MDGA2: variants seen among roughly 807,000 people sequenced by gnomAD.
The protein encoded by MDGA2 is MAM domain containing glycosylphosphatidylinositol anchor 2.
In MDGA2, 40 loss-of-function variants were observed where a neutral mutation model predicts 117.8. The ratio of observed to expected loss-of-function variants is 0.34; its 90% CI spans 0.26 to 0.44. The LOEUF is 0.44. MDGA2 is among the 20% of genes least tolerant of loss of function. MDGA2 has a pLI of 1.00. For synonymous variants in MDGA2, 452 were observed against 439.0 expected, an observed-to-expected ratio of 1.03 and a Z score of -0.37; for missense variants, 1,123 against 1,250.6, an observed-to-expected ratio of 0.90 and a Z score of 1.54.
intron 1 of MDGA2, among the ~76,000 whole-genome samples, chr14:47,516,777 G>T (rs959149106): frequency 6.6e-6 from 1 of 152,136 alleles, no homozygotes; most frequent in Non-Finnish European, 1.5e-5. Flanking sequence ...TGTACATCAA[G>T]TTAGAAAAAT....
At chr14:46,853,233 T>C (rs1269920714) in intron 15 of MDGA2, among the ~76,000 whole-genome samples, 1 of 151,926 alleles carries the variant, frequency 6.6e-6, no homozygotes, top group Non-Finnish European at 1.5e-5. Flanking sequence ...TATTGTTGAA[T>C]GTGAAGACAT....
At chr14:47,128,929 T>C (rs919424656) in intron 5 of MDGA2, among the ~76,000 whole-genome samples, 2 of 152,054 alleles carry the variant, frequency 1.3e-5, no homozygotes, top group Admixed American at 1.3e-4. Context: ...GACCTCGTGA[T>C]CTGCCCACCT....
chr14:46,997,295 C>A (rs1432048157), intron 8 of MDGA2: 1 of 152,536 alleles, frequency 6.6e-6, no homozygotes, highest in Non-Finnish European at 1.5e-5. Context: ...AAGTAGGTCT[C>A]ATGAAAGTTT....
intron 1 of MDGA2, among the ~76,000 whole-genome samples, chr14:47,346,534 T>A (rs1390628325): frequency 6.6e-6 from 1 of 152,214 alleles, no homozygotes; most frequent in Non-Finnish European, 1.5e-5. Flanking sequence ...TCCCAAACTT[T>A]CTGTTTTGGT....
rs143441766 is a variant in MDGA2 at position 47,386,825 on chromosome 14, C to T, written c.281-85275G>A. 1.1e-3 allele frequency among the ~76,000 whole-genome samples: 168 copies of T among 152,334 alleles called. 1 individual carries two copies. Among genetic ancestry groups the T allele is most frequent in the African/African-American group, 3.6e-3 (149 of 41,584 alleles). The stretch of plus-strand genomic sequence containing the variant: ...GAGCATAAACTCATGAGGCACACTG[C>T]CTGGCTTCAGATTCTGCTCTGCATT... On this transcript the variant is annotated intron_variant, in intron 1 of 16. Coordinates refer to ENST00000399232, the MANE Select transcript of MDGA2 (RefSeq NM_001113498.3).
At chr14:47,023,197 G>GCAAAAAA (rs1435992503) in intron 8 of MDGA2, among the ~76,000 whole-genome samples, 1 of 69,616 alleles carries the variant, frequency 1.4e-5, no homozygotes, top group Admixed American at 1.6e-4. Context: ...ATTCCCACTC[G>GCAAAAAA]TAAAAAAAAA....
At chr14:47,071,082 A>G (rs1566606336) in intron 6 of MDGA2, among the ~76,000 whole-genome samples, 1 of 152,236 alleles carries the variant, frequency 6.6e-6, no homozygotes, top group Non-Finnish European at 1.5e-5. Flanking sequence ...AGTCATGTGC[A>G]TTATTAAAAT....
At chr14:47,212,898 T>C (rs1885938336) in intron 3 of MDGA2, among the ~76,000 whole-genome samples, 1 of 152,140 alleles carries the variant, frequency 6.6e-6, no homozygotes, top group African/African-American at 2.4e-5. Context: ...CTCTAAAATA[T>C]CAGGTAAGCA....
intron 1 of MDGA2, among the ~76,000 whole-genome samples, chr14:47,588,634 C>T (rs1896378181): frequency 6.6e-6 from 1 of 151,798 alleles, no homozygotes; most frequent in South Asian, 2.1e-4. Flanking sequence ...GTGAGTCCCT[C>T]ATCAGATAAT....
chr14:47,556,757 C>G (rs1481656397), intron 1 of MDGA2, among the ~76,000 whole-genome samples: 1 of 152,200 alleles, frequency 6.6e-6, no homozygotes, highest in African/African-American at 2.4e-5. Flanking sequence ...GCTATTATAG[C>G]TCTATGGCAC....
chr14:47,485,322 T>C (rs1334031470), intron 1 of MDGA2, among the ~76,000 whole-genome samples: 4 of 152,114 alleles, frequency 2.6e-5, no homozygotes, highest in African/African-American at 9.7e-5. Context: ...CTGTGGAACT[T>C]TGAACTTGAG....
intron 10 of MDGA2, among the ~76,000 whole-genome samples, chr14:46,906,485 T>A (rs1219772848): frequency 6.6e-6 from 1 of 152,116 alleles, no homozygotes; most frequent in Admixed American, 6.5e-5. Context: ...TGCCTTGTTT[T>A]ATAAAATAAA....
intron 1 of MDGA2, among the ~76,000 whole-genome samples, chr14:47,432,065 C>T (rs1892810401): frequency 6.6e-6 from 1 of 152,070 alleles, no homozygotes; most frequent in African/African-American, 2.4e-5. Context: ...TCTTGAAAGA[C>T]TATGTCTATT....
intron 15 of MDGA2, among the ~76,000 whole-genome samples, chr14:46,849,949 C>T (rs1416626070): frequency 1.3e-5 from 2 of 151,816 alleles, no homozygotes; most frequent in African/African-American, 4.8e-5. Context: ...AAGTTTAGGT[C>T]TCCTAAAAGA....
At chr14:47,026,911 C>T (rs1888493542) in intron 8 of MDGA2, among the ~76,000 whole-genome samples, 1 of 152,112 alleles carries the variant, frequency 6.6e-6, no homozygotes, top group African/African-American at 2.4e-5. Flanking sequence ...GTGGTTCACA[C>T]CTTCAATCCC....
At chr14:47,487,580 G>A (rs1013535947) in intron 1 of MDGA2, among the ~76,000 whole-genome samples, 2 of 152,050 alleles carry the variant, frequency 1.3e-5, no homozygotes, top group Non-Finnish European at 2.9e-5. Flanking sequence ...CTAGCACTTT[G>A]GCTTTATTAT....
At chr14:47,551,245 G>A (rs1895575199) in intron 1 of MDGA2, among the ~76,000 whole-genome samples, 1 of 152,218 alleles carries the variant, frequency 6.6e-6, no homozygotes, top group African/African-American at 2.4e-5. Flanking sequence ...GCTTAGGTAG[G>A]TGGTTTTCCT....
chr14:47,211,455 T>C (rs1885880760), intron 3 of MDGA2, among the ~76,000 whole-genome samples: 1 of 152,172 alleles, frequency 6.6e-6, no homozygotes, highest in Admixed American at 6.6e-5. Context: ...GAACAATGTG[T>C]TGGGCAGCCC....
At chr14:47,286,837 G>GTATATATATATATA (rs1340766807) in intron 2 of MDGA2, among the ~76,000 whole-genome samples, 1 of 97,966 alleles carries the variant, frequency 1.0e-5, no homozygotes, top group African/African-American at 4.1e-5. Flanking sequence ...ATATATATAT[G>GTATATATATATATA]TATATATATA....
Sources: allele counts gnomAD v4.1 joint callset (sites outside exome capture counted in the v4.1 genomes callset), GRCh38; gene constraint gnomAD v4.1.1; transcripts MANE v1.5; gene names NCBI Gene and HGNC (gene_info 2026-07-23, HGNC 2026-07-21).